The following DPF1 variants were observed in gnomAD, a reference collection of about 807,000 sequenced individuals.
DPF1 encodes the protein double PHD fingers 1, also known as zinc finger protein neuro-d4.
Under a neutral mutation model 58.7 loss-of-function variants are expected in DPF1, and 14 were observed. The ratio of observed to expected loss-of-function variants is 0.24; its 90% CI spans 0.16 to 0.37. The LOEUF is 0.37. DPF1 is among the 10% of genes least tolerant of loss of function. The probability of loss-of-function intolerance (pLI) is 1.00; values close to 1 mark genes in which losing one functional copy is unlikely to be tolerated. For synonymous variants in DPF1, 216 were observed against 216.0 expected (o/e 1.00, Z 0.00); for missense variants, 345 against 529.9 (o/e 0.65, Z 3.43).
upstream of DPF1, among the ~76,000 whole-genome samples, chr19:38,226,518 A>ACACACACACACACT (rs1967829042): frequency 6.7e-6 from 1 of 149,530 alleles, no homozygotes; most frequent in African/African-American, 2.5e-5. Flanking sequence ...ACACACACAC[A>ACACACACACACACT]CACACACACA....
intron 10 of DPF1, 109 bp from the exon 11 acceptor site, chr19:38,212,470 TTCC>T: frequency 1.7e-6 from 1 of 578,440 alleles, no homozygotes; most frequent in Non-Finnish European, 3.1e-6. Context: ...AGGTGAGGCC[TTCC>T]GAGAAAGGTT....
At chr19:38,216,496 A>T in intron 7 of DPF1, 93 bp from the exon 8 acceptor site, 1 of 1,422,364 alleles carries the variant, frequency 7.0e-7, no homozygotes, top group Non-Finnish European at 9.3e-7. Flanking sequence ...CTCTTAGTCC[A>T]GGCGTGGGGA....
rs1240640756 is a variant in DPF1, at chr19:38,222,384, T to C, written c.271A>G (p.Arg91Gly). Residue 91 changes from arginine (R) to glycine (G), a missense_variant, in exon 3 of 12, where the codon AGA becomes GGA. By Grantham distance (125) the Arg-to-Gly change is moderately radical. Transcript: ENST00000355526. The surrounding 1 kb of genome is among the most constrained non-coding windows in gnomAD (Gnocchi z 4.9). ...ATCTTGTACTCGCAGGGCCTGAGTCTGGGGTCCTCCAGGATGTTGAGTCTC... is the reference window on the plus strand; with the variant it reads ...ATCTTGTACTCGCAGGGCCTGAGTCCGGGGTCCTCCAGGATGTTGAGTCTC... ...KRRLNILEDP[R>G]LRPCEYKIDC... The C allele has an allele frequency of 1.3e-6, 2 of 1,590,012 alleles. No individual in the cohort carries two copies. The highest frequency in any genetic ancestry group is 1.7e-6 in the Non-Finnish European group (2 of 1,173,710).
chr19:38,215,600 GCTAA>G (rs758788136), intron 9 of DPF1, among the ~76,000 whole-genome samples: 2 of 152,180 alleles, frequency 1.3e-5, no homozygotes, highest in Non-Finnish European at 2.9e-5. Context: ...ACCATGCCCA[GCTAA>G]CTTTTTTTAT....
chr19:38,227,746 G>A (rs764153690), upstream of DPF1, among the ~76,000 whole-genome samples: 1 of 152,168 alleles, frequency 6.6e-6, no homozygotes, highest in Middle Eastern at 3.2e-3. Flanking sequence ...TGAGGCTCAC[G>A]GCAGGGAACA....
chr19:38,223,040 A>G, intron 1 of DPF1: 1 of 329,256 alleles, frequency 3.0e-6, no homozygotes, highest in Non-Finnish European at 5.5e-6. Context: ...TCACACACAA[A>G]GAGAGACAAA....
chr19:38,212,102 G>A lies in DPF1; in HGVS notation c.1125C>T (p.His375=). Residue 375 remains histidine, a synonymous_variant, in exon 12 of 12, where the codon CAC becomes CAT. Transcript: ENST00000355526. ...GSWSCHLCLR[H]LKEKASAYIT... Reference sequence around the variant, plus strand: ...TGTAAGCAGAAGCCTTTTCCTTCAGGTGCCGGAGACAGAGGTGACAGCTCC... The same window carrying A: ...TGTAAGCAGAAGCCTTTTCCTTCAGATGCCGGAGACAGAGGTGACAGCTCC... The A allele has an allele frequency of 1.2e-6, 2 of 1,612,334 alleles. No homozygotes were observed. The highest frequency in any genetic ancestry group is 1.7e-6 in the Non-Finnish European group (2 of 1,179,756).
chr19:38,221,043 G>A (rs769936848), intron 3 of DPF1, among the ~76,000 whole-genome samples: 2 of 152,030 alleles, frequency 1.3e-5, no homozygotes, highest in Admixed American at 6.5e-5. Context: ...CGGCCGCACC[G>A]CCTAACACAC....
In DPF1 at chr19:38,222,835, C is replaced by G; in HGVS notation, c.30-127G>C. ...GGTGGGCCGACCCCTCCAGCCTCAC[C>G]TCTCCCCTCCTCCCACTCCGGGACC... On this transcript the variant is annotated intron_variant, in intron 1 of 11. Transcript: ENST00000355526. The surrounding 1 kb of genome is among the most constrained non-coding windows in gnomAD (Gnocchi z 4.9). The G allele has an allele frequency of 7.8e-7, 1 of 1,284,366 alleles. No homozygotes were observed. The highest frequency in any genetic ancestry group is 1.0e-6 in the Non-Finnish European group (1 of 982,062). The allele number at this position is 1,284,366 out of a possible 1,614,324, so 79.6% of individuals were successfully genotyped here.
At chr19:38,214,859 G>A (rs1274392039) in intron 9 of DPF1, among the ~76,000 whole-genome samples, 3 of 137,084 alleles carry the variant, frequency 2.2e-5, no homozygotes, top group African/African-American at 8.6e-5. Flanking sequence ...TTTTTGAGAC[G>A]GAGTCTTGCT....
intron 10 of DPF1, 46 bp downstream of exon 10, chr19:38,213,598 C>T: frequency 8.3e-6 from 13 of 1,561,910 alleles, no homozygotes; most frequent in Non-Finnish European, 9.7e-6. Flanking sequence ...GTGGACGTGC[C>T]AGGCGGGGCG....
upstream of DPF1, among the ~76,000 whole-genome samples, chr19:38,228,371 G>A (rs2146235265): frequency 6.6e-6 from 1 of 151,790 alleles, no homozygotes. Flanking sequence ...TGGGGTAGGG[G>A]GGCGCTCCCT....
In DPF1 at chr19:38,219,422, C is replaced by T. The variant is rs1967283670; in HGVS notation, c.299-364G>A. The stretch of plus-strand genomic sequence containing the variant: ...CGCAGAGGAGACACAGGGACACCCG[C>T]AGGGGACATCCAGACAGATCGTCTG... On this transcript the variant is annotated intron_variant, in intron 3 of 11. Transcript: ENST00000355526. 3 of 236,650 alleles carry T rather than the reference C, an allele frequency of 1.3e-5. No individual in the cohort carries two copies. In the East Asian group the frequency reaches 3.4e-4, roughly 27 times the overall value. 14.7% of individuals were successfully genotyped at this position (236,650 alleles called of 1,614,324 possible). A position where few individuals can be genotyped will look rare whatever the true frequency, so the allele number is the denominator to read the frequency against.
At position 38,222,361 on chromosome 19, in the gene DPF1, C is replaced by T; in HGVS notation, c.294G>A (p.Lys98=). The T allele has an allele frequency of 6.3e-7, 1 of 1,590,814 alleles. No individual in the cohort carries two copies. Among genetic ancestry groups the T allele is most frequent in the Admixed American group, 1.9e-5 (1 of 52,630 alleles). Residue 98 remains lysine, a synonymous_variant, in exon 3 of 12, where the codon AAG becomes AAA. Coordinates refer to ENST00000355526, the MANE Select transcript of DPF1 (RefSeq NM_001135155.3). This position sits in a 1 kb window ranked among gnomAD's most constrained non-coding sequence, Gnocchi z 4.9. ...EDPRLRPCEY[K]IDCEAPLKKE... is the part of the protein sequence containing the mutation. ...GGCCCCAGCGGCTGCACCCACCGAT[C>T]TTGTACTCGCAGGGCCTGAGTCTGG...
intron 3 of DPF1, among the ~76,000 whole-genome samples, chr19:38,220,634 GAAAAAGA>G (rs998614151): frequency 2.0e-5 from 3 of 149,468 alleles, no homozygotes; most frequent in African/African-American, 7.3e-5. Context: ...AAAAGAAAAA[GAAAAAGA>G]AAAAAGAAAA....
chr19:38,215,691 C>T (rs1966966993), intron 9 of DPF1, among the ~76,000 whole-genome samples: 1 of 152,150 alleles, frequency 6.6e-6, no homozygotes, highest in African/African-American at 2.4e-5. Flanking sequence ...GCCTCAGCCT[C>T]CTGAGTTGCT....
rs543060174 is a variant in DPF1, at chr19:38,216,862, C to T, written c.728-459G>A. On this transcript the variant is annotated intron_variant, in intron 7 of 11. Coordinates refer to ENST00000355526, the MANE Select transcript of DPF1 (RefSeq NM_001135155.3). ...TCCCAGCCAGCCACTCCCAACTGCA[C>T]CCTCAGTAATTTGTATCTAACAAAT... 1.1e-4 allele frequency among the ~76,000 whole-genome samples: 16 copies of T among 152,328 alleles called. No homozygotes were observed. In the South Asian group the frequency reaches 2.5e-3, roughly 24 times the overall value.
chr19:38,211,973 C>T lies in DPF1; in HGVS notation c.*90G>A, dbSNP rs1973457899. 1 of 1,448,900 alleles carries T rather than the reference C, an allele frequency of 6.9e-7. No homozygotes were observed. Among genetic ancestry groups the T allele is most frequent in the African/African-American group, 1.4e-5 (1 of 71,974 alleles). 89.8% of individuals were successfully genotyped at this position (1,448,900 alleles called of 1,614,324 possible). ...TCGGCTTCCCCCTCTCCCCCTCCCC[C>T]TGCGGGATGTTCAGGGTGGGGGAGA... On this transcript the variant is annotated 3_prime_UTR_variant, in exon 12 of 12. Coordinates refer to ENST00000355526, the MANE Select transcript of DPF1 (RefSeq NM_001135155.3). The surrounding 1 kb of genome is among the most constrained non-coding windows in gnomAD (Gnocchi z 4.0).
At chr19:38,227,100 A>ATT (rs1967867065), upstream of DPF1, among the ~76,000 whole-genome samples, 1 of 112,962 alleles carries the variant, frequency 8.9e-6, no homozygotes. Flanking sequence ...TTTTTTTTGG[A>ATT]CAGCGTCTCA....
Sources: gnomAD v4.1 joint callset for allele counts (sites outside exome capture counted in the v4.1 genomes callset) on GRCh38, gnomAD v4.1.1 for gene constraint, Gnocchi (gnomAD v3.1) non-coding constraint, MANE v1.5 for transcripts, NCBI Gene and HGNC (gene_info 2026-07-23, HGNC 2026-07-21) for gene names.